SGCZ: variants seen among roughly 807,000 people sequenced by gnomAD.
SGCZ encodes sarcoglycan zeta.
SGCZ carries 40 observed loss-of-function variants against 41.3 expected under a neutral mutation model. That is an observed-to-expected ratio of 0.97 (90% CI 0.75 to 1.26). The LOEUF (loss-of-function observed/expected upper bound fraction) is 1.26, where lower values mean the gene tolerates loss of function less well. SGCZ is among the 50% of genes most tolerant of loss of function. The pLI is 0.00. For missense variants in SGCZ, 552 were observed against 369.8 expected, an observed-to-expected ratio of 1.49 and a Z score of -4.04; for synonymous variants, 206 against 137.5, an observed-to-expected ratio of 1.50 and a Z score of -3.49.
intron 1 of SGCZ, among the ~76,000 whole-genome samples, chr8:14,558,033 G>A (rs1019655393): frequency 6.6e-6 from 1 of 152,086 alleles, no homozygotes; most frequent in East Asian, 1.9e-4. Context: ...AGGCTACTAT[G>A]AACATTTTAA....
chr8:15,198,565 A>C (rs1800803530), intron 1 of SGCZ, among the ~76,000 whole-genome samples: 1 of 152,224 alleles, frequency 6.6e-6, no homozygotes, highest in Non-Finnish European at 1.5e-5. Flanking sequence ...AATAAAAAAG[A>C]AATTCAAATT....
intron 1 of SGCZ, among the ~76,000 whole-genome samples, chr8:14,925,735 G>A (rs192612760): frequency 1.3e-5 from 2 of 152,244 alleles, no homozygotes; most frequent in East Asian, 3.9e-4. Flanking sequence ...GTTTGATCTG[G>A]CTTCACTTTT....
At chr8:14,515,833 C>T (rs1802604034) in intron 2 of SGCZ, among the ~76,000 whole-genome samples, 2 of 151,948 alleles carry the variant, frequency 1.3e-5, no homozygotes, top group African/African-American at 4.8e-5. Context: ...TAGTCTTTTT[C>T]AATTAGATAA....
intron 2 of SGCZ, among the ~76,000 whole-genome samples, chr8:14,384,845 C>T (rs1169930591): frequency 6.6e-6 from 1 of 152,204 alleles, no homozygotes; most frequent in Non-Finnish European, 1.5e-5. Flanking sequence ...GATACTGCAC[C>T]CAGCCTCCTT....
At chr8:14,455,849 C>T (rs1800728189) in intron 2 of SGCZ, among the ~76,000 whole-genome samples, 1 of 152,068 alleles carries the variant, frequency 6.6e-6, no homozygotes, top group South Asian at 2.1e-4. Context: ...AAGTAAAGTA[C>T]AAAAGAGTGT....
intron 2 of SGCZ, among the ~76,000 whole-genome samples, chr8:14,413,303 G>T (rs1216015366): frequency 1.3e-5 from 2 of 151,954 alleles, no homozygotes; most frequent in East Asian, 1.9e-4. Flanking sequence ...AACACACGTT[G>T]TGTCAGCAAT....
intron 2 of SGCZ, among the ~76,000 whole-genome samples, chr8:14,412,214 A>G (rs1799379276): frequency 1.3e-5 from 2 of 152,202 alleles, no homozygotes; most frequent in African/African-American, 4.8e-5. Flanking sequence ...CCTTAACTCT[A>G]TGATATTGAG....
chr8:14,121,364 G>T (rs138458508), intron 5 of SGCZ, among the ~76,000 whole-genome samples: 1 of 151,998 alleles, frequency 6.6e-6, no homozygotes, highest in Non-Finnish European at 1.5e-5. Flanking sequence ...AATTGATGCC[G>T]TTATAAGGGT....
intron 2 of SGCZ, among the ~76,000 whole-genome samples, chr8:14,390,734 T>A (rs990021037): frequency 6.6e-6 from 1 of 152,044 alleles, no homozygotes; most frequent in Non-Finnish European, 1.5e-5. Flanking sequence ...CTTAATAATA[T>A]TCTAAGTATG....
rs1033656104 is a variant in SGCZ, at chr8:14,085,949, A to G, written c.*4494T>C. On this transcript the variant is annotated 3_prime_UTR_variant, in exon 8 of 8. Transcript: ENST00000382080. ...GTCTTTGACATTTAAACAACTAATA[A>G]ATTTCAGTATAAAACAACATGAATA... Among the ~76,000 whole-genome samples, 2 of 151,782 alleles carry G rather than the reference A, an allele frequency of 1.3e-5. No homozygotes were observed. Among genetic ancestry groups the G allele is most frequent in the African/African-American group, 4.8e-5 (2 of 41,414 alleles).
intron 6 of SGCZ, among the ~76,000 whole-genome samples, chr8:14,103,296 C>T (rs1802093320): frequency 6.6e-6 from 1 of 151,704 alleles, no homozygotes; most frequent in South Asian, 2.1e-4. Context: ...ACACACAACA[C>T]AGGAACTAGA....
intron 3 of SGCZ, among the ~76,000 whole-genome samples, chr8:14,281,132 T>A (rs1256780059): frequency 6.6e-6 from 1 of 151,814 alleles, no homozygotes; most frequent in African/African-American, 2.4e-5. Context: ...GATCACTAGC[T>A]CTAGAATTTT....
At chr8:14,128,998 A>C (rs1802950166) in intron 5 of SGCZ, among the ~76,000 whole-genome samples, 1 of 152,234 alleles carries the variant, frequency 6.6e-6, no homozygotes, top group South Asian at 2.1e-4. Context: ...TTTTTAGGTT[A>C]TATGAGTACG....
At chr8:14,702,339 C>G (rs1041404046) in intron 1 of SGCZ, among the ~76,000 whole-genome samples, 8 of 151,774 alleles carry the variant, frequency 5.3e-5, no homozygotes, top group African/African-American at 1.9e-4. Context: ...TTAGAATGCT[C>G]AAGGGCTCAG....
intron 1 of SGCZ, among the ~76,000 whole-genome samples, chr8:14,815,906 C>G (rs1801888717): frequency 6.6e-6 from 1 of 152,274 alleles, no homozygotes; most frequent in East Asian, 1.9e-4. Context: ...AGAATGCTGT[C>G]TACCTAATTT....
chr8:14,116,323 A>G (rs1226028216), intron 5 of SGCZ, among the ~76,000 whole-genome samples: 1 of 152,102 alleles, frequency 6.6e-6, no homozygotes, highest in Non-Finnish European at 1.5e-5. Context: ...TGTCTCATGA[A>G]CCACAATTTA....
chr8:15,074,342 C>A (rs12678133), intron 1 of SGCZ, among the ~76,000 whole-genome samples: 58,319 of 152,086 alleles, frequency 0.38, 13,481 homozygotes, highest in Admixed American at 0.55. Context: ...TACTGGCTGT[C>A]GTGCAGCTGG....
intron 4 of SGCZ, chr8:14,165,031 TACCTGGC>T (rs1176431605): frequency 4.0e-6 from 1 of 250,128 alleles, no homozygotes; most frequent in African/African-American, 2.3e-5. Flanking sequence ...CTTGGCATCA[TACCTGGC>T]ACCTGCTGGA....
At chr8:14,108,018 C>T (rs909667197) in intron 6 of SGCZ, 145 bp downstream of exon 6, 2 of 688,274 alleles carry the variant, frequency 2.9e-6, no homozygotes, top group African/African-American at 3.6e-5. Flanking sequence ...TTTCCACATT[C>T]TTCCTATCTA....
Sources: gnomAD v4.1 joint callset for allele counts (sites outside exome capture counted in the v4.1 genomes callset) on GRCh38, gnomAD v4.1.1 for gene constraint, MANE v1.5 for transcripts, NCBI Gene and HGNC (gene_info 2026-07-23, HGNC 2026-07-21) for gene names.